NKAIN2: variants seen among roughly 807,000 people sequenced by gnomAD.
NKAIN2 encodes the protein sodium/potassium transporting ATPase interacting 2.
NKAIN2 carries 14 observed loss-of-function variants against 32.6 expected under a neutral mutation model. The ratio of observed to expected loss-of-function variants is 0.43; its 90% confidence interval spans 0.28 to 0.67. NKAIN2 has a LOEUF of 0.67. NKAIN2 is among the 30% of genes least tolerant of loss of function. The probability of loss-of-function intolerance (pLI) is 0.17; values close to 1 mark genes in which losing one functional copy is unlikely to be tolerated. For missense variants in NKAIN2, 198 were observed against 258.3 expected (o/e 0.77, Z 1.60); for synonymous variants, 80 against 87.2 (o/e 0.92, Z 0.46).
At chr6:123,844,043 A>G (rs1240048909) in intron 1 of NKAIN2, among the ~76,000 whole-genome samples, 2 of 152,272 alleles carry the variant, frequency 1.3e-5, no homozygotes, top group South Asian at 2.1e-4. Flanking sequence ...GGTAGGTAAG[A>G]GAACTTATGA....
At chr6:123,970,047 C>T (rs962257841) in intron 1 of NKAIN2, among the ~76,000 whole-genome samples, 1 of 151,756 alleles carries the variant, frequency 6.6e-6, no homozygotes, top group Non-Finnish European at 1.5e-5. Context: ...GATATGAGAG[C>T]AGAATTGTAC....
intron 1 of NKAIN2, among the ~76,000 whole-genome samples, chr6:124,066,712 A>G (rs1404435128): frequency 1.3e-5 from 2 of 152,186 alleles, no homozygotes; most frequent in Non-Finnish European, 2.9e-5. Flanking sequence ...TTATGTAAAA[A>G]GCTTGTTATT....
chr6:123,910,231 G>A (rs1258668295), intron 1 of NKAIN2, among the ~76,000 whole-genome samples: 1 of 152,096 alleles, frequency 6.6e-6, no homozygotes, highest in East Asian at 1.9e-4. Context: ...GAAAGCAAGT[G>A]GGGTGGGGTG....
chr6:124,157,707 T>C (rs1351159075), intron 1 of NKAIN2, among the ~76,000 whole-genome samples: 2 of 152,234 alleles, frequency 1.3e-5, no homozygotes, highest in Non-Finnish European at 2.9e-5. Context: ...TTTTGAGATT[T>C]AATTTGTTTT....
intron 4 of NKAIN2, among the ~76,000 whole-genome samples, chr6:124,712,646 A>G (rs1010352956): frequency 2.0e-5 from 3 of 151,124 alleles, no homozygotes; most frequent in Non-Finnish European, 4.4e-5. Context: ...TGCGCTTCCC[A>G]AGTGAGGCAA....
chr6:124,418,068 G>A (rs1774573943), intron 3 of NKAIN2, among the ~76,000 whole-genome samples: 1 of 152,042 alleles, frequency 6.6e-6, no homozygotes, highest in South Asian at 2.1e-4. Flanking sequence ...AAGTTCAGCA[G>A]CTTGAGAGAC....
At chr6:124,216,180 T>G (rs2758834) in intron 1 of NKAIN2, among the ~76,000 whole-genome samples, 104,967 of 150,854 alleles carry the variant, frequency 0.7, 36,731 homozygotes, top group South Asian at 0.76. Flanking sequence ...AGCATGAGTA[T>G]GGGAGAATGG....
intron 1 of NKAIN2, among the ~76,000 whole-genome samples, chr6:124,112,188 A>C (rs915861092): frequency 2.0e-5 from 3 of 152,072 alleles, no homozygotes; most frequent in African/African-American, 7.2e-5. Context: ...GTTGCTGTTT[A>C]ATGCCTTTTC....
intron 4 of NKAIN2, among the ~76,000 whole-genome samples, chr6:124,784,504 T>C (rs990965270): frequency 1.3e-5 from 2 of 152,144 alleles, no homozygotes; most frequent in Admixed American, 6.5e-5. Flanking sequence ...GGTTGGCTTT[T>C]TTTCACTAAC....
chr6:124,748,156 C>T (rs1443434725), intron 4 of NKAIN2, among the ~76,000 whole-genome samples: 1 of 151,866 alleles, frequency 6.6e-6, no homozygotes, highest in African/African-American at 2.4e-5. Context: ...ACAATAAGGC[C>T]ACAACACGTA....
At chr6:124,700,896 ACACTCT>A (rs1426424546) in intron 4 of NKAIN2, among the ~76,000 whole-genome samples, 2 of 150,458 alleles carry the variant, frequency 1.3e-5, no homozygotes, top group African/African-American at 4.9e-5. Flanking sequence ...ACACACACAC[ACACTCT>A]CTCATCATGA....
In NKAIN2 at chr6:124,536,044, G is replaced by A. The variant is rs148932776; in HGVS notation, c.274-122142G>A. 3.8e-3 allele frequency among the ~76,000 whole-genome samples: 578 copies of A among 152,314 alleles called. 4 individuals are homozygous for A. Among genetic ancestry groups the A allele is most frequent in the African/African-American group, 0.013 (520 of 41,578 alleles). Reference sequence around the variant, plus strand: ...GCAGGCCTGCGGAGACTGCCCTTCCGTGGAGCCACGCAGAAGAGGCCATCC... The same window carrying A: ...GCAGGCCTGCGGAGACTGCCCTTCCATGGAGCCACGCAGAAGAGGCCATCC... On this transcript the variant is annotated intron_variant, in intron 3 of 6. Transcript: ENST00000368417.
At chr6:124,359,146 A>G (rs1447964860) in intron 3 of NKAIN2, among the ~76,000 whole-genome samples, 3 of 152,154 alleles carry the variant, frequency 2.0e-5, no homozygotes, top group African/African-American at 7.2e-5. Context: ...CTGTTTTGGT[A>G]CCAGTATCAT....
Position 124,097,367 on chromosome 6 carries a change from C to T in NKAIN2, c.55-185638C>T, listed in dbSNP as rs1784687525. On this transcript the variant is annotated intron_variant, in intron 1 of 6. Coordinates refer to ENST00000368417, the MANE Select transcript of NKAIN2 (RefSeq NM_001040214.3). Reference sequence around the variant, plus strand: ...GCATTGAGCCGACATCGCGCCACTGCACTCTGGCCTGGCAACAGAGCAAGA... The same window carrying T: ...GCATTGAGCCGACATCGCGCCACTGTACTCTGGCCTGGCAACAGAGCAAGA... Among the ~76,000 whole-genome samples the T allele has an allele frequency of 2.7e-5, 4 of 147,826 alleles. No individual in the cohort carries two copies. In the South Asian group the frequency reaches 8.5e-4, roughly 31 times the overall value.
At chr6:123,893,026 A>G (rs1424398036) in intron 1 of NKAIN2, among the ~76,000 whole-genome samples, 1 of 151,860 alleles carries the variant, frequency 6.6e-6, no homozygotes, top group Admixed American at 6.6e-5. Context: ...TTTCTGTTGG[A>G]TATAGGACAT....
intron 3 of NKAIN2, among the ~76,000 whole-genome samples, chr6:124,596,633 C>A (rs1291873669): frequency 6.6e-6 from 1 of 150,728 alleles, no homozygotes; most frequent in East Asian, 1.9e-4. Context: ...ATTCAGGATT[C>A]TCCAGAGAAA....
At chr6:124,730,670 A>C (rs1180051071) in intron 4 of NKAIN2, among the ~76,000 whole-genome samples, 113 of 147,894 alleles carry the variant, frequency 7.6e-4, no homozygotes, top group African/African-American at 2.8e-3. Flanking sequence ...CATGTCTAAA[A>C]CACCAAAAGC....
chr6:124,291,926 C>T (rs530718691), intron 2 of NKAIN2, among the ~76,000 whole-genome samples: 1 of 152,116 alleles, frequency 6.6e-6, no homozygotes, highest in East Asian at 1.9e-4. Flanking sequence ...TTTATTTCAG[C>T]AGACTCAGTT....
At chr6:124,118,919 C>G (rs1393082961) in intron 1 of NKAIN2, among the ~76,000 whole-genome samples, 2 of 152,138 alleles carry the variant, frequency 1.3e-5, no homozygotes, top group East Asian at 3.9e-4. Flanking sequence ...ACCAATAAAA[C>G]TTTAAGCAGT....
Sources: allele counts gnomAD v4.1 joint callset (sites outside exome capture counted in the v4.1 genomes callset), GRCh38; gene constraint gnomAD v4.1.1; transcripts MANE v1.5; gene names NCBI Gene and HGNC (gene_info 2026-07-23, HGNC 2026-07-21).